LDLRAD3: variants seen among roughly 807,000 people sequenced by gnomAD.
LDLRAD3 encodes the protein low density lipoprotein receptor class A domain containing 3.
A neutral mutation model predicts 29.4 loss-of-function variants in LDLRAD3; 20 were observed. That is an observed-to-expected ratio of 0.68 (90% CI 0.48 to 0.99). The LOEUF (loss-of-function observed/expected upper bound fraction) is 0.99. LDLRAD3 is among the 50% of genes least tolerant of loss of function. The pLI is 0.00. For missense variants in LDLRAD3, 420 were observed against 454.3 expected (o/e 0.92, Z 0.69); for synonymous variants, 157 against 192.7 (o/e 0.81, Z 1.53).
intron 1 of LDLRAD3, among the ~76,000 whole-genome samples, chr11:35,987,067 G>C (rs1851624293): frequency 6.6e-6 from 1 of 152,112 alleles, no homozygotes; most frequent in South Asian, 2.1e-4. Flanking sequence ...TCATTCACGG[G>C]GCTGCTTCAC....
At chr11:36,028,831 T>C (rs547155336) in intron 1 of LDLRAD3, among the ~76,000 whole-genome samples, 1 of 152,356 alleles carries the variant, frequency 6.6e-6, no homozygotes, top group East Asian at 1.9e-4. Context: ...ATATTTACTC[T>C]GGCCATTTGC....
chr11:36,097,849 A>G (rs1853385059), intron 3 of LDLRAD3, among the ~76,000 whole-genome samples: 1 of 152,056 alleles, frequency 6.6e-6, no homozygotes, highest in Non-Finnish European at 1.5e-5. Context: ...GGAAAAAAAA[A>G]TTAAAAAGAA....
intron 1 of LDLRAD3, chr11:35,972,288 G>C (rs1194898121): frequency 6.6e-6 from 1 of 152,186 alleles, no homozygotes; most frequent in African/African-American, 2.4e-5. Context: ...ACTGTTTCAG[G>C]ATGACAGTTC....
intron 2 of LDLRAD3, among the ~76,000 whole-genome samples, chr11:36,043,469 A>G (rs1021310777): frequency 5.3e-5 from 8 of 152,240 alleles, no homozygotes; most frequent in Non-Finnish European, 1.2e-4. Flanking sequence ...CCAAAAGGAT[A>G]TAGGATATGT....
chr11:36,030,238 TAGTC>T (rs1852219026), intron 1 of LDLRAD3, among the ~76,000 whole-genome samples: 1 of 152,180 alleles, frequency 6.6e-6, no homozygotes, highest in East Asian at 1.9e-4. Context: ...GTGCTCCTCA[TAGTC>T]AGGCTCCAGC....
At chr11:36,060,215 A>T (rs1270887086) in intron 2 of LDLRAD3, among the ~76,000 whole-genome samples, 1 of 151,956 alleles carries the variant, frequency 6.6e-6, no homozygotes, top group East Asian at 1.9e-4. Context: ...CTAGCTGGGC[A>T]TGGTGGTGGG....
chr11:35,960,001 G>GC (rs1236690128), intron 1 of LDLRAD3, among the ~76,000 whole-genome samples: 1 of 152,046 alleles, frequency 6.6e-6, no homozygotes, highest in Non-Finnish European at 1.5e-5. Flanking sequence ...CTCTCTCTTG[G>GC]CCCAGAGGTC....
intron 4 of LDLRAD3, among the ~76,000 whole-genome samples, chr11:36,198,678 C>T (rs80222419): frequency 0.013 from 1,998 of 152,306 alleles, 47 homozygotes; most frequent in African/African-American, 0.046. Context: ...CTCTGGACTT[C>T]CATCTATTTG....
At chr11:36,131,904 G>A (rs969444154) in intron 4 of LDLRAD3, among the ~76,000 whole-genome samples, 3 of 152,172 alleles carry the variant, frequency 2.0e-5, no homozygotes, top group Non-Finnish European at 2.9e-5. Context: ...TCTTTGTTTC[G>A]AGCATGTTCT....
chr11:36,087,571 TTC>T (rs1315804666), intron 3 of LDLRAD3, among the ~76,000 whole-genome samples: 7 of 152,248 alleles, frequency 4.6e-5, no homozygotes, highest in Non-Finnish European at 8.8e-5. Flanking sequence ...AAAGAAGTGG[TTC>T]TGTTTGGTGA....
chr11:36,129,826 A>G (rs1853898537), intron 4 of LDLRAD3, among the ~76,000 whole-genome samples: 1 of 151,876 alleles, frequency 6.6e-6, no homozygotes, highest in Non-Finnish European at 1.5e-5. Context: ...TTCCCTGACC[A>G]CCCTCTATCA....
At chr11:36,025,024 C>T (rs566025059) in intron 1 of LDLRAD3, among the ~76,000 whole-genome samples, 3 of 152,322 alleles carry the variant, frequency 2.0e-5, no homozygotes, top group African/African-American at 4.8e-5. Flanking sequence ...CAATCAGCTT[C>T]TGCCCTGCAA....
intron 4 of LDLRAD3, among the ~76,000 whole-genome samples, chr11:36,161,323 A>C (rs35567395): frequency 0.29 from 44,767 of 152,058 alleles, 7,405 homozygotes; most frequent in African/African-American, 0.44. Flanking sequence ...CATTTTCTAA[A>C]TGAGGAAATG....
At position 36,229,340 on chromosome 11, in the gene LDLRAD3, G is replaced by C. The variant is rs142776038; in HGVS notation, c.981G>C (p.Gln327His). 1.2e-6 allele frequency: 2 copies of C among 1,614,080 alleles called. No homozygotes were observed. Among genetic ancestry groups the C allele is most frequent in the Non-Finnish European group, 1.7e-6 (2 of 1,180,028 alleles). ...ACAGCCCGGGGCAGCCTGGCCCCCA[G>C]GAGGGCACTGCTGAGCCCAGGGACT... is the stretch of plus-strand genomic sequence containing the variant. Reference protein sequence around the residue: ...TSHSPGQPGPQEGTAEPRDSE... With the variant: ...TSHSPGQPGPHEGTAEPRDSE... The change falls in exon 6 of 6, where the codon CAG (glutamine) becomes CAC (histidine). Residue 327 changes from glutamine to histidine, a missense_variant. Gln to His is a conservative substitution (Grantham distance 24). This residue lies in a region of LDLRAD3 where 140 missense variants were observed against 139.9 expected (regional missense o/e 1.00). Coordinates refer to ENST00000315571, the MANE Select transcript of LDLRAD3 (RefSeq NM_174902.4).
At chr11:35,978,139 G>A (rs1851497502) in intron 1 of LDLRAD3, among the ~76,000 whole-genome samples, 1 of 152,170 alleles carries the variant, frequency 6.6e-6, no homozygotes, top group Admixed American at 6.5e-5. Flanking sequence ...ATTGACAATG[G>A]CTTGTGATTC....
intron 1 of LDLRAD3, among the ~76,000 whole-genome samples, chr11:35,965,057 A>G (rs746041360): frequency 6.6e-6 from 1 of 152,046 alleles, no homozygotes; most frequent in Admixed American, 6.6e-5. Flanking sequence ...ACTGAAACTG[A>G]TTAGTATAAT....
At chr11:36,081,516 G>A (rs2133257353) in intron 2 of LDLRAD3, 137 bp from the exon 3 acceptor site, 5 of 1,135,670 alleles carry the variant, frequency 4.4e-6, no homozygotes, top group Non-Finnish European at 5.1e-6. Context: ...GGTGGGTGGT[G>A]GTAATGAGAA....
chr11:35,993,313 A>G (rs541395600), intron 1 of LDLRAD3, among the ~76,000 whole-genome samples: 1 of 152,356 alleles, frequency 6.6e-6, no homozygotes, highest in East Asian at 1.9e-4. Flanking sequence ...AGGGAAGCTC[A>G]GGGCACAGAG....
At chr11:36,122,435 C>CCACAATTAAGGAAACAG (rs1420522350) in intron 4 of LDLRAD3, among the ~76,000 whole-genome samples, 1 of 152,196 alleles carries the variant, frequency 6.6e-6, no homozygotes, top group Non-Finnish European at 1.5e-5. Context: ...CAGGATTCAT[C>CCACAATTAAGGAAACAG]TCCTTAATTG....
Sources: allele counts gnomAD v4.1 joint callset (sites outside exome capture counted in the v4.1 genomes callset), GRCh38; gene constraint gnomAD v4.1.1; regional missense constraint gnomAD v4.1.1; transcripts MANE v1.5; gene names NCBI Gene and HGNC (gene_info 2026-07-23, HGNC 2026-07-21).